Variants in KAT6B observed in about 807,000 individuals in gnomAD.
KAT6B encodes the protein lysine acetyltransferase 6B.
In KAT6B, 10 loss-of-function variants were observed where a neutral mutation model predicts 187.5. The observed-to-expected ratio is 0.05, with a 90% CI of 0.03 to 0.09. The LOEUF is 0.09. Ranked by LOEUF, KAT6B falls within the 10% of genes least tolerant of loss-of-function variation. The pLI is 1.00. For synonymous variants in KAT6B, 861 were observed against 926.8 expected, an observed-to-expected ratio of 0.93 and a Z score of 1.29; for missense variants, 1,952 against 2,558.9, an observed-to-expected ratio of 0.76 and a Z score of 5.12.
chr10:74,933,174 G>A (rs1457348750), intron 3 of KAT6B, among the ~76,000 whole-genome samples: 2 of 152,126 alleles, frequency 1.3e-5, no homozygotes, highest in African/African-American at 4.8e-5. Context: ...AACTTTTGTA[G>A]CATTATGTAT....
intron 13 of KAT6B, among the ~76,000 whole-genome samples, chr10:75,001,441 T>C (rs1463640532): frequency 1.3e-5 from 2 of 152,034 alleles, no homozygotes; most frequent in Admixed American, 1.3e-4. Flanking sequence ...ACTTCATTTC[T>C]ACCCAGGGGG....
At chr10:74,880,046 TAATAAA>T (rs1844736783) in intron 3 of KAT6B, among the ~76,000 whole-genome samples, 1 of 152,002 alleles carries the variant, frequency 6.6e-6, no homozygotes, top group African/African-American at 2.4e-5. Flanking sequence ...CAAAAAATAA[TAATAAA>T]AATAAAGGTA....
At chr10:74,949,378 C>T (rs944308974) in intron 3 of KAT6B, among the ~76,000 whole-genome samples, 2 of 152,204 alleles carry the variant, frequency 1.3e-5, no homozygotes, top group African/African-American at 4.8e-5. Context: ...TCCCCAGCCC[C>T]GCGCCCCACC....
At chr10:75,013,213 A>T (rs1844735775) in intron 13 of KAT6B, among the ~76,000 whole-genome samples, 1 of 152,092 alleles carries the variant, frequency 6.6e-6, no homozygotes, top group Admixed American at 6.5e-5. Flanking sequence ...CTAAGCAGTC[A>T]TTGTTTCTGT....
At chr10:74,928,864 A>G (rs1343170721) in intron 3 of KAT6B, among the ~76,000 whole-genome samples, 3 of 152,234 alleles carry the variant, frequency 2.0e-5, no homozygotes, top group African/African-American at 7.2e-5. Context: ...TGATAAGTAC[A>G]AGATGGTGAG....
intron 9 of KAT6B, among the ~76,000 whole-genome samples, chr10:74,977,708 G>C (rs1842253797): frequency 6.6e-6 from 1 of 152,144 alleles, no homozygotes; most frequent in Non-Finnish European, 1.5e-5. Flanking sequence ...AACATTTCTA[G>C]GTGTGAAGGA....
chr10:74,955,348 T>C (rs1261755994), intron 3 of KAT6B, among the ~76,000 whole-genome samples: 5 of 150,432 alleles, frequency 3.3e-5, no homozygotes, highest in Admixed American at 6.6e-5. Flanking sequence ...TGATTCAGTT[T>C]AGATCTTTTT....
chr10:74,944,765 C>T (rs1322902976), intron 3 of KAT6B, among the ~76,000 whole-genome samples: 4 of 143,714 alleles, frequency 2.8e-5, no homozygotes, highest in Admixed American at 2.2e-4. Flanking sequence ...GCCGAGATCG[C>T]GCCACTGCAC....
intron 11 of KAT6B, 174 bp downstream of exon 11, chr10:74,982,102 C>A: frequency 3.2e-6 from 2 of 618,362 alleles, no homozygotes; most frequent in Non-Finnish European, 5.7e-6. Flanking sequence ...CCATATTAAG[C>A]AACCATTTAG....
intron 3 of KAT6B, among the ~76,000 whole-genome samples, chr10:74,924,158 A>G (rs1848331325): frequency 6.6e-6 from 1 of 152,214 alleles, no homozygotes; most frequent in African/African-American, 2.4e-5. Context: ...TGGCCATGGT[A>G]GAAGGTGGAT....
At chr10:74,852,384 ACG>A (rs1186328814) in intron 3 of KAT6B, among the ~76,000 whole-genome samples, 1 of 152,244 alleles carries the variant, frequency 6.6e-6, no homozygotes, top group African/African-American at 2.4e-5. Context: ...AATGTGAAAG[ACG>A]AGGTGGATCA....
In KAT6B at chr10:75,031,255, A is replaced by G; in HGVS notation, c.*209A>G. The G allele has an allele frequency of 3.4e-6, 2 of 592,842 alleles. No homozygotes were observed. Among genetic ancestry groups the G allele is most frequent in the East Asian group, 5.9e-5 (2 of 33,810 alleles). 36.7% of individuals were successfully genotyped at this position (592,842 alleles called of 1,614,324 possible). A position where few individuals can be genotyped will look rare whatever the true frequency, so the allele number is the denominator to read the frequency against. The stretch of plus-strand genomic sequence containing the variant: ...TTTTTTCCTTTTTCTTTTTTTTGGT[A>G]CCTTCATTTCTGTTACTTTTATATA... On this transcript the variant is annotated 3_prime_UTR_variant, in exon 18 of 18. Transcript: ENST00000287239.
chr10:75,009,479 G>A (rs924882058), intron 13 of KAT6B, among the ~76,000 whole-genome samples: 1 of 152,136 alleles, frequency 6.6e-6, no homozygotes, highest in Non-Finnish European at 1.5e-5. Flanking sequence ...TTAGTATATT[G>A]TGGTGAAGCT....
intron 1 of KAT6B, among the ~76,000 whole-genome samples, chr10:74,828,168 C>CT (rs1840416155): frequency 6.6e-6 from 1 of 152,238 alleles, no homozygotes. Flanking sequence ...AAATGGTGTC[C>CT]TATGCCCCAT....
At chr10:74,927,524 A>G (rs150231773) in intron 3 of KAT6B, among the ~76,000 whole-genome samples, 3 of 149,272 alleles carry the variant, frequency 2.0e-5, no homozygotes, top group Admixed American at 6.7e-5. Flanking sequence ...TGAAAGCCAG[A>G]TAATTTAAAA....
intron 1 of KAT6B, among the ~76,000 whole-genome samples, chr10:74,830,769 T>TGTATATATGTATATATATATATATATA (rs58702000): frequency 1.3e-4 from 1 of 7,738 alleles, no homozygotes; most frequent in Non-Finnish European, 2.6e-4. Flanking sequence ...TATATATATA[T>TGTATATATGTATATATATATATATATA]TTTTTTTTTT....
At chr10:74,943,049 T>C (rs566371028) in intron 3 of KAT6B, among the ~76,000 whole-genome samples, 54 of 152,316 alleles carry the variant, frequency 3.5e-4, no homozygotes, top group African/African-American at 7.9e-4. Context: ...TAATAGTGTC[T>C]CTAGTTTTAG....
rs1589822209 is a variant in KAT6B at position 75,020,913 on chromosome 10, C to T, written c.2861+100C>T. ...TTCATTCCAGTTAAAGACTGAGGTT[C>T]CCTAACAGTATTATCAAACCTTTTC... On this transcript the variant is annotated intron_variant, in intron 14 of 17. Transcript: ENST00000287239. The T allele has an allele frequency of 2.2e-5, 23 of 1,066,226 alleles. No homozygotes were observed. In the East Asian group the frequency reaches 4.8e-4, roughly 22 times the overall value. 66.0% of individuals were successfully genotyped at this position (1,066,226 alleles called of 1,614,324 possible).
chr10:74,941,365 T>A (rs1416715777), intron 3 of KAT6B, among the ~76,000 whole-genome samples: 2 of 152,200 alleles, frequency 1.3e-5, no homozygotes, highest in Non-Finnish European at 2.9e-5. Flanking sequence ...TTTCTGCCAA[T>A]AACATTACAA....
Sources: allele counts gnomAD v4.1 joint callset (sites outside exome capture counted in the v4.1 genomes callset), GRCh38; gene constraint gnomAD v4.1.1; transcripts MANE v1.5; gene names NCBI Gene and HGNC (gene_info 2026-07-23, HGNC 2026-07-21).